The following ANK2 variants were observed in gnomAD, a reference collection of about 807,000 sequenced individuals.
The protein encoded by ANK2 is ankyrin-2.
In ANK2, 83 loss-of-function variants were observed where a neutral mutation model predicts 360.5. The observed-to-expected ratio is 0.23, with a 90% CI of 0.19 to 0.28. The LOEUF (loss-of-function observed/expected upper bound fraction) is 0.28, where lower values mean the gene tolerates loss of function less well. Ranked by LOEUF, ANK2 falls within the 10% of genes least tolerant of loss-of-function variation. ANK2 has a pLI of 1.00. For synonymous variants in ANK2, 1,740 were observed against 1,759.5 expected, an observed-to-expected ratio of 0.99 and a Z score of 0.28; for missense variants, 4,201 against 4,795.7, an observed-to-expected ratio of 0.88 and a Z score of 3.66.
At chr4:112,760,423 G>C in the ANK2 span, among the ~76,000 whole-genome samples, 1 of 151,942 alleles carries the variant, frequency 6.6e-6, no homozygotes, top group African/African-American at 2.4e-5. Flanking sequence ...TCCTGACCTT[G>C]TGATCCGCCC....
intron 2 of ANK2, among the ~76,000 whole-genome samples, chr4:113,038,327 A>G (rs2062064776): frequency 6.6e-6 from 1 of 152,034 alleles, no homozygotes; most frequent in Non-Finnish European, 1.5e-5. Context: ...TTGAGAAGAA[A>G]TAGTAGCGTT....
chr4:113,331,786 C>T (rs769805199), intron 27 of ANK2, among the ~76,000 whole-genome samples, 186 bp from the exon 28 acceptor site: 10 of 152,086 alleles, frequency 6.6e-5, no homozygotes, highest in Non-Finnish European at 1.5e-4. Context: ...TGCACAGACG[C>T]GCCTCCATTG....
intron 26 of ANK2, among the ~76,000 whole-genome samples, chr4:113,323,305 A>G (rs2087535653): frequency 2.0e-5 from 3 of 152,172 alleles, no homozygotes; most frequent in African/African-American, 7.2e-5. Context: ...TTGTTGATCT[A>G]TACTTTAAAT....
At chr4:113,249,248 G>A (rs375954814) in intron 9 of ANK2, among the ~76,000 whole-genome samples, 16 of 152,250 alleles carry the variant, frequency 1.1e-4, no homozygotes, top group African/African-American at 3.6e-4. Flanking sequence ...GCATTAGGAA[G>A]CATTTTAGAA....
chr4:112,941,566 A>G (rs558735578), intron 2 of ANK2, among the ~76,000 whole-genome samples: 1 of 144,358 alleles, frequency 6.9e-6, no homozygotes, highest in South Asian at 2.1e-4. Flanking sequence ...ATATCTCTAT[A>G]AATATATCTT....
At position 113,150,895 on chromosome 4, in the gene ANK2, A is replaced by G. The variant is rs137981030; in HGVS notation, c.85-23521A>G. ...TTGAACTATATACTAGTGAAAGGCC[A>G]TTGACCAAAGGCTGTTTTAGGAGAA... On this transcript the variant is annotated intron_variant, in intron 1 of 45. Transcript: ENST00000357077. 1.3e-3 allele frequency among the ~76,000 whole-genome samples: 201 copies of G among 152,368 alleles called. 1 individual carries two copies. In the East Asian group the frequency reaches 0.015, roughly 11 times the overall value.
Position 113,248,472 on chromosome 4 carries a change from A to T in ANK2, c.892-1292A>T, listed in dbSNP as rs539224321. Among the ~76,000 whole-genome samples, 4 of 152,186 alleles carry T rather than the reference A, an allele frequency of 2.6e-5. No homozygotes were observed. The South Asian group carries it at 8.3e-4, about 32-fold the overall frequency. ...TGGGAGGTCTCTCGAAGTCCTTTTC[A>T]TGTCTTGCTGCATTGGCCAAACCCA... On this transcript the variant is annotated intron_variant, in intron 9 of 45. Coordinates refer to ENST00000357077, the MANE Select transcript of ANK2 (RefSeq NM_001148.6).
At chr4:113,223,769 T>A (rs1218399052) in intron 4 of ANK2, among the ~76,000 whole-genome samples, 2 of 152,202 alleles carry the variant, frequency 1.3e-5, no homozygotes, top group East Asian at 3.9e-4. Flanking sequence ...AGTGGGGATA[T>A]TATTAGCTTA....
At chr4:113,195,349 A>G (rs879590256) in intron 2 of ANK2, among the ~76,000 whole-genome samples, 1 of 152,020 alleles carries the variant, frequency 6.6e-6, no homozygotes, top group Non-Finnish European at 1.5e-5. Context: ...TTCTTTTTTT[A>G]CATTCTGAGT....
the ANK2 span, among the ~76,000 whole-genome samples, chr4:112,706,401 G>GAC: frequency 2.0e-5 from 3 of 151,980 alleles, no homozygotes; most frequent in East Asian, 5.8e-4. Context: ...TTCACACACA[G>GAC]ACACACATAC....
At chr4:113,043,595 A>G (rs1010120454) in intron 2 of ANK2, among the ~76,000 whole-genome samples, 5 of 152,090 alleles carry the variant, frequency 3.3e-5, no homozygotes, top group African/African-American at 4.8e-5. Context: ...TTCATTGTGA[A>G]TTTTGGGAAG....
the ANK2 span, among the ~76,000 whole-genome samples, chr4:112,714,254 C>G: frequency 6.6e-6 from 1 of 152,170 alleles, no homozygotes; most frequent in Non-Finnish European, 1.5e-5. Context: ...GGGATCTTGG[C>G]CCACTGCCAT....
chr4:113,161,890 G>A (rs1231036620), intron 1 of ANK2, among the ~76,000 whole-genome samples: 1 of 152,192 alleles, frequency 6.6e-6, no homozygotes, highest in Non-Finnish European at 1.5e-5. Context: ...GGGAAGGAGT[G>A]AAGCGAAATC....
intron 2 of ANK2, among the ~76,000 whole-genome samples, chr4:112,953,690 T>C (rs1561256415): frequency 6.6e-6 from 1 of 152,256 alleles, no homozygotes; most frequent in Admixed American, 6.5e-5. Context: ...AATTATTGAC[T>C]GGCTGTTTCC....
chr4:112,976,350 C>T (rs1034854888), intron 2 of ANK2, among the ~76,000 whole-genome samples: 3 of 152,068 alleles, frequency 2.0e-5, no homozygotes, highest in Non-Finnish European at 2.9e-5. Context: ...CACACTACCA[C>T]GACAGGCTAA....
At chr4:113,162,497 C>T (rs1038203972) in intron 1 of ANK2, among the ~76,000 whole-genome samples, 5 of 152,156 alleles carry the variant, frequency 3.3e-5, no homozygotes, top group South Asian at 2.1e-4. Flanking sequence ...TGTGTTCTTT[C>T]GTGCCCCTAT....
intron 17 of ANK2, 119 bp from the exon 18 acceptor site, chr4:113,282,556 C>G: frequency 9.9e-7 from 1 of 1,012,158 alleles, no homozygotes. Context: ...TTTGGATTAA[C>G]TGTAAACTCA....
the ANK2 span, among the ~76,000 whole-genome samples, chr4:112,757,395 T>C: frequency 5.3e-5 from 8 of 152,248 alleles, no homozygotes; most frequent in Non-Finnish European, 1.0e-4. Flanking sequence ...ATTACAGGCG[T>C]GAGCCACTGT....
chr4:113,255,593 G>A (rs773242520), intron 10 of ANK2, 142 bp from the exon 11 acceptor site: 1 of 785,572 alleles, frequency 1.3e-6, no homozygotes, highest in South Asian at 1.6e-5. Flanking sequence ...ATAGTCTGCT[G>A]TATATTCTGA....
Sources: gnomAD v4.1 joint callset for allele counts (sites outside exome capture counted in the v4.1 genomes callset) on GRCh38, gnomAD v4.1.1 for gene constraint, MANE v1.5 for transcripts, NCBI Gene and HGNC (gene_info 2026-07-23, HGNC 2026-07-21) for gene names.